The following AGAP3 variants were observed in gnomAD, a reference collection of about 807,000 sequenced individuals.
The protein encoded by AGAP3 is ArfGAP with GTPase domain, ankyrin repeat and PH domain 3.
In AGAP3, 24 loss-of-function variants were observed where a neutral mutation model predicts 96.9. The ratio of observed to expected loss-of-function variants is 0.25; its 90% CI spans 0.18 to 0.35. The LOEUF (loss-of-function observed/expected upper bound fraction) is 0.35, where lower values mean the gene tolerates loss of function less well. Ranked by LOEUF, AGAP3 falls within the 10% of genes least tolerant of loss-of-function variation. The pLI is 1.00. For synonymous variants in AGAP3, 563 were observed against 536.1 expected (o/e 1.05, Z -0.69); for missense variants, 876 against 1,254.2 (o/e 0.70, Z 4.55).
At position 151,140,802 on chromosome 7, in the gene AGAP3, C is replaced by T. The variant is rs1353952460; in HGVS notation, c.1804+686C>T. On this transcript the variant is annotated intron_variant, in intron 13 of 17. Transcript: ENST00000397238. This position sits in a 1 kb window ranked among gnomAD's most constrained non-coding sequence, Gnocchi z 5.4. ...TTAGTACTTACAGCGTGGGGTCTCC[C>T]TTCTGGTCCGGCAGACTAAGCCCCA... 6.6e-6 allele frequency: 1 copy of T among 152,204 alleles called. No homozygotes were observed. Among genetic ancestry groups the T allele is most frequent in the Admixed American group, 6.6e-5 (1 of 15,262 alleles). 9.4% of individuals were successfully genotyped at this position (152,204 alleles called of 1,614,324 possible).
chr7:151,128,879 C>T (rs903452244), intron 10 of AGAP3, among the ~76,000 whole-genome samples, 195 bp downstream of exon 10: 3 of 152,226 alleles, frequency 2.0e-5, no homozygotes, highest in Non-Finnish European at 4.4e-5. Context: ...CCCTCCCTTG[C>T]CCTCTGGGCG....
At chr7:151,093,672 T>C (rs1462350163) in intron 1 of AGAP3, among the ~76,000 whole-genome samples, 1 of 152,136 alleles carries the variant, frequency 6.6e-6, no homozygotes, top group Non-Finnish European at 1.5e-5. Context: ...CGTGGGATTG[T>C]TGTGGAAAAT....
chr7:151,098,609 C>T (rs112340035), intron 1 of AGAP3, among the ~76,000 whole-genome samples: 6 of 152,276 alleles, frequency 3.9e-5, no homozygotes, highest in African/African-American at 1.4e-4. Context: ...CGTGATCACA[C>T]CACTACACTC....
intron 1 of AGAP3, among the ~76,000 whole-genome samples, chr7:151,098,503 A>T (rs1798699381): frequency 6.6e-6 from 1 of 152,116 alleles, no homozygotes; most frequent in Admixed American, 6.5e-5. Flanking sequence ...AAATTAAAAA[A>T]TTAGCCAGGT....
At chr7:151,086,382 G>T (rs1329925087), upstream of AGAP3, among the ~76,000 whole-genome samples, 23 of 140,936 alleles carry the variant, frequency 1.6e-4, no homozygotes, top group African/African-American at 5.1e-4. Context: ...GCGGGGAGGG[G>T]GGCTCGGGCT....
In AGAP3 at chr7:151,144,324, G is replaced by A. The variant is rs534568903; in HGVS notation, c.*381G>A. The A allele has an allele frequency of 2.6e-5, 7 of 268,510 alleles. No individual in the cohort carries two copies. The highest frequency in any genetic ancestry group is 4.3e-5 in the Non-Finnish European group (6 of 140,954). The allele number at this position is 268,510 out of a possible 1,614,324, so 16.6% of individuals were successfully genotyped here. On this transcript the variant is annotated 3_prime_UTR_variant, in exon 18 of 18. Transcript: ENST00000397238. ...GTTGGGGGTGCTGGATGAAAGAGAC[G>A]AGGGGTGATCTGTGAGTCCCATGTA...
At chr7:151,128,798 T>A in intron 10 of AGAP3, 114 bp downstream of exon 10, 1 of 882,550 alleles carries the variant, frequency 1.1e-6, no homozygotes, top group Non-Finnish European at 1.8e-6. Flanking sequence ...ACCTTAGTGA[T>A]TTCAAATGGC....
intron 1 of AGAP3, among the ~76,000 whole-genome samples, chr7:151,111,029 C>T (rs1799258684): frequency 6.6e-6 from 1 of 152,128 alleles, no homozygotes; most frequent in African/African-American, 2.4e-5. Flanking sequence ...AGCGCTCTCC[C>T]CCCGCCCCCC....
At chr7:151,095,181 A>C (rs1017927753) in intron 1 of AGAP3, among the ~76,000 whole-genome samples, 22 of 152,102 alleles carry the variant, frequency 1.4e-4, no homozygotes, top group Admixed American at 1.3e-4. Context: ...AATCTCTTTT[A>C]ATGTAGGTTT....
intron 10 of AGAP3, among the ~76,000 whole-genome samples, chr7:151,129,576 G>A (rs969733771): frequency 2.0e-5 from 3 of 152,196 alleles, no homozygotes; most frequent in Admixed American, 2.0e-4. Context: ...GACAATGCCA[G>A]TCAGCCGCTC....
chr7:151,112,857 C>T (rs544135426), intron 1 of AGAP3, among the ~76,000 whole-genome samples: 3 of 152,246 alleles, frequency 2.0e-5, no homozygotes, highest in Non-Finnish European at 2.9e-5. Flanking sequence ...CTGCCTCGGC[C>T]TCCCAAAGCG....
intron 1 of AGAP3, among the ~76,000 whole-genome samples, chr7:151,110,608 C>G (rs72617354): frequency 0.024 from 3,658 of 152,036 alleles, 167 homozygotes; most frequent in East Asian, 0.18. Context: ...CTGAAGAGGT[C>G]CGCCCCAGCT....
At chr7:151,102,260 A>G (rs532199231) in intron 1 of AGAP3, among the ~76,000 whole-genome samples, 7 of 152,368 alleles carry the variant, frequency 4.6e-5, no homozygotes, top group African/African-American at 1.7e-4. Context: ...CCTGCAGCCC[A>G]GTAGGTACTG....
intron 1 of AGAP3, among the ~76,000 whole-genome samples, chr7:151,109,458 C>G (rs1799193589): frequency 6.6e-6 from 1 of 152,214 alleles, no homozygotes; most frequent in South Asian, 2.1e-4. Context: ...CGCCCCACAC[C>G]TCTCTTCCTG....
chr7:151,115,524 G>A (rs1414189780), intron 1 of AGAP3: 3 of 1,049,700 alleles, frequency 2.9e-6, no homozygotes, highest in Non-Finnish European at 3.4e-6. Flanking sequence ...CCCCCGCACC[G>A]CCGCCGGCCT....
At position 151,096,445 on chromosome 7, in the gene AGAP3, C is replaced by T. The variant is rs145945802; in HGVS notation, c.331+9373C>T. Among the ~76,000 whole-genome samples, 410 of 151,486 alleles carry T rather than the reference C, an allele frequency of 2.7e-3. 2 individuals carry two copies. The highest frequency in any genetic ancestry group is 9.0e-3 in the African/African-American group (373 of 41,326). Reference sequence around the variant, plus strand: ...TTCAGCACTGTGCAGTAGACATGGGCGAGTCACACGTGTGAACTTAAATTT... The same window carrying T: ...TTCAGCACTGTGCAGTAGACATGGGTGAGTCACACGTGTGAACTTAAATTT... On this transcript the variant is annotated intron_variant, in intron 1 of 17. Transcript: ENST00000397238. This position sits in a 1 kb window ranked among gnomAD's most constrained non-coding sequence, Gnocchi z 4.4.
Position 151,133,053 on chromosome 7 carries a change from C to T in AGAP3, c.1327-1347C>T, listed in dbSNP as rs1431835269. The stretch of plus-strand genomic sequence containing the variant: ...TAGGAGGAGCGCGTCTGGGAAGGCT[C>T]GTCGCACGGCCGCCCTTAGGATGCA... On this transcript the variant is annotated intron_variant, in intron 10 of 17. Coordinates refer to ENST00000397238, the MANE Select transcript of AGAP3 (RefSeq NM_031946.7). The surrounding 1 kb of genome is among the most constrained non-coding windows in gnomAD (Gnocchi z 5.4). Among the ~76,000 whole-genome samples, 4 of 152,172 alleles carry T rather than the reference C, an allele frequency of 2.6e-5. No individual in the cohort carries two copies. Among genetic ancestry groups the T allele is most frequent in the African/African-American group, 7.2e-5 (3 of 41,450 alleles).
intron 10 of AGAP3, among the ~76,000 whole-genome samples, chr7:151,130,239 A>G (rs2150512928): frequency 6.6e-6 from 1 of 152,230 alleles, no homozygotes; most frequent in Non-Finnish European, 1.5e-5. Context: ...CCAACAGTGG[A>G]GGCAGCGAGG....
chr7:151,128,972 T>C (rs1215226003), intron 10 of AGAP3, among the ~76,000 whole-genome samples: 1 of 152,192 alleles, frequency 6.6e-6, no homozygotes, highest in Non-Finnish European at 1.5e-5. Context: ...GGGATGCCGA[T>C]GTTGCCCAGC....
Sources: gnomAD v4.1 joint callset for allele counts (sites outside exome capture counted in the v4.1 genomes callset) on GRCh38, gnomAD v4.1.1 for gene constraint, Gnocchi (gnomAD v3.1) non-coding constraint, MANE v1.5 for transcripts, NCBI Gene and HGNC (gene_info 2026-07-23, HGNC 2026-07-21) for gene names.